CCDC178: variants seen among roughly 807,000 people sequenced by gnomAD.
The protein encoded by CCDC178 is coiled-coil domain containing 178, also known as coiled-coil domain-containing protein 178.
Under a neutral mutation model 117.4 loss-of-function variants are expected in CCDC178, and 126 were observed. That is an observed-to-expected ratio of 1.07 (90% CI 0.93 to 1.24). The LOEUF is 1.24. Ranked by LOEUF, CCDC178 falls within the 50% of genes most tolerant of loss-of-function variation. The pLI is 0.00. For synonymous variants in CCDC178, 283 were observed against 313.4 expected, an observed-to-expected ratio of 0.90 and a Z score of 1.02; for missense variants, 1,030 against 986.9, an observed-to-expected ratio of 1.04 and a Z score of -0.59.
chr18:33,180,980 G>T (rs982191879), intron 20 of CCDC178, among the ~76,000 whole-genome samples: 2 of 151,896 alleles, frequency 1.3e-5, no homozygotes, highest in African/African-American at 4.8e-5. Flanking sequence ...ACAATTTGGT[G>T]CATCCTCTAA....
At chr18:33,346,787 A>G (rs1241088945) in intron 8 of CCDC178, among the ~76,000 whole-genome samples, 3 of 152,178 alleles carry the variant, frequency 2.0e-5, no homozygotes, top group Non-Finnish European at 2.9e-5. Context: ...CATAATGATT[A>G]TATCAGGTAA....
chr18:33,008,075 A>G (rs185645890), intron 21 of CCDC178, among the ~76,000 whole-genome samples: 11 of 152,240 alleles, frequency 7.2e-5, no homozygotes, highest in Admixed American at 5.9e-4. Flanking sequence ...GAATCAGTGG[A>G]CGAAAACAGA....
intron 9 of CCDC178, among the ~76,000 whole-genome samples, chr18:33,342,974 C>G (rs2062835184): frequency 6.6e-6 from 1 of 152,152 alleles, no homozygotes. Context: ...GTAATCTGTC[C>G]TTTCTGATTA....
chr18:33,279,574 A>G (rs373353710), intron 12 of CCDC178, among the ~76,000 whole-genome samples: 20 of 152,300 alleles, frequency 1.3e-4, no homozygotes, highest in African/African-American at 4.6e-4. Context: ...GCTACCAATG[A>G]CTTTCTTCAC....
intron 21 of CCDC178, among the ~76,000 whole-genome samples, chr18:33,070,810 A>T (rs1473384343): frequency 6.6e-6 from 1 of 152,094 alleles, no homozygotes; most frequent in Non-Finnish European, 1.5e-5. Flanking sequence ...TATCAATACA[A>T]ATTGGTTAAA....
At chr18:33,363,257 C>A (rs182387710) in intron 6 of CCDC178, among the ~76,000 whole-genome samples, 5 of 151,858 alleles carry the variant, frequency 3.3e-5, no homozygotes, top group Non-Finnish European at 5.9e-5. Flanking sequence ...CAGATTCATA[C>A]GAAACTTCAA....
At chr18:33,440,285 TGGGGACTGGGGGACTG>T (rs1388874813) in intron 1 of CCDC178, among the ~76,000 whole-genome samples, 436 of 18,618 alleles carry the variant, frequency 0.023, 8 homozygotes, top group African/African-American at 0.056. Flanking sequence ...CCCCCGGCAG[TGGGGACTGGGGGACTG>T]GGGGACTGGG....
chr18:32,952,979 A>G (rs1381578630), intron 22 of CCDC178, among the ~76,000 whole-genome samples: 2 of 151,728 alleles, frequency 1.3e-5, no homozygotes, highest in Admixed American at 6.6e-5. Context: ...TCACCATGTT[A>G]GCCAGGATGG....
At chr18:33,310,367 T>C (rs1303374106) in intron 11 of CCDC178, among the ~76,000 whole-genome samples, 1 of 152,094 alleles carries the variant, frequency 6.6e-6, no homozygotes, top group Non-Finnish European at 1.5e-5. Flanking sequence ...AAAAGATAAA[T>C]TGTACATGGA....
At chr18:32,997,433 G>T (rs2055536226) in intron 21 of CCDC178, among the ~76,000 whole-genome samples, 1 of 152,130 alleles carries the variant, frequency 6.6e-6, no homozygotes, top group South Asian at 2.1e-4. Context: ...GAAAGGGAGG[G>T]AATTCTGCCA....
At chr18:33,295,476 T>C (rs982433697) in intron 11 of CCDC178, among the ~76,000 whole-genome samples, 6 of 152,068 alleles carry the variant, frequency 3.9e-5, no homozygotes, top group Non-Finnish European at 8.8e-5. Context: ...TTCTGCATTG[T>C]AAAACACCCT....
chr18:33,031,404 C>G (rs150326616), intron 21 of CCDC178, among the ~76,000 whole-genome samples: 1 of 151,928 alleles, frequency 6.6e-6, no homozygotes, highest in Non-Finnish European at 1.5e-5. Context: ...ATACCCTCCA[C>G]GCAGCTGCTA....
chr18:33,290,277 C>G (rs2060151013), intron 12 of CCDC178, among the ~76,000 whole-genome samples: 2 of 152,122 alleles, frequency 1.3e-5, no homozygotes, highest in South Asian at 4.1e-4. Flanking sequence ...AAATTTTAAA[C>G]TATTTCTACC....
intron 22 of CCDC178, among the ~76,000 whole-genome samples, chr18:32,939,437 G>A (rs760911702): frequency 8.6e-5 from 13 of 152,024 alleles, no homozygotes; most frequent in Non-Finnish European, 1.6e-4. Context: ...ATTCAGTCAA[G>A]TTATATAAGA....
chr18:32,981,245 T>C (rs1251916874), intron 21 of CCDC178, among the ~76,000 whole-genome samples: 1 of 152,062 alleles, frequency 6.6e-6, no homozygotes. Context: ...AACAAAAAAA[T>C]CTTACAAATA....
chr18:33,062,342 A>C (rs776529312), intron 21 of CCDC178, among the ~76,000 whole-genome samples: 5 of 152,244 alleles, frequency 3.3e-5, no homozygotes, highest in Non-Finnish European at 7.3e-5. Flanking sequence ...ACTTGACTTC[A>C]CGATGGCTGA....
chr18:32,939,978 A>C (rs1223030619), intron 22 of CCDC178, among the ~76,000 whole-genome samples: 1 of 152,154 alleles, frequency 6.6e-6, no homozygotes, highest in Non-Finnish European at 1.5e-5. Flanking sequence ...TTGATGTGTA[A>C]TTTGCATAAT....
chr18:33,255,365 T>A (rs2059666412), intron 14 of CCDC178, among the ~76,000 whole-genome samples: 1 of 152,084 alleles, frequency 6.6e-6, no homozygotes. Flanking sequence ...CAGTGTCCAA[T>A]CTATCAGTCT....
intron 20 of CCDC178, among the ~76,000 whole-genome samples, chr18:33,098,606 C>T (rs1283095198): frequency 3.3e-5 from 5 of 152,016 alleles, no homozygotes; most frequent in East Asian, 1.9e-4. Flanking sequence ...TTGCATAGAC[C>T]GCACTACATT....
Sources: gnomAD v4.1 joint callset for allele counts (sites outside exome capture counted in the v4.1 genomes callset) on GRCh38, gnomAD v4.1.1 for gene constraint, MANE v1.5 for transcripts, NCBI Gene and HGNC (gene_info 2026-07-23, HGNC 2026-07-21) for gene names.